The following MSRA variants were observed in gnomAD, a reference collection of about 807,000 sequenced individuals.
MSRA encodes methionine sulfoxide reductase A.
Under a neutral mutation model 31.3 loss-of-function variants are expected in MSRA, and 54 were observed. That is an observed-to-expected ratio of 1.73 (90% CI 1.39 to 2.17). MSRA has a LOEUF of 2.17. MSRA is among the 30% of genes most tolerant of loss of function. The pLI, the probability that MSRA is intolerant of heterozygous loss-of-function variation, is 0.00. For synonymous variants in MSRA, 169 were observed against 116.5 expected, an observed-to-expected ratio of 1.45 and a Z score of -2.90; for missense variants, 507 against 300.9, an observed-to-expected ratio of 1.69 and a Z score of -5.07.
intron 5 of MSRA, 42 bp from the exon 6 acceptor site, chr8:10,428,106 C>G (rs1186914467): frequency 8.2e-6 from 13 of 1,591,518 alleles, no homozygotes; most frequent in Non-Finnish European, 1.1e-5. Flanking sequence ...GGTGCTGTCT[C>G]TCTAGCATGG....
intron 4 of MSRA, among the ~76,000 whole-genome samples, chr8:10,315,472 G>C (rs998490518): frequency 2.4e-4 from 37 of 152,176 alleles, no homozygotes; most frequent in African/African-American, 7.5e-4. Flanking sequence ...ATTATAAATA[G>C]AGTAATAGTA....
intron 3 of MSRA, among the ~76,000 whole-genome samples, chr8:10,263,430 G>A (rs560054504): frequency 6.6e-6 from 1 of 152,194 alleles, no homozygotes; most frequent in Non-Finnish European, 1.5e-5. Flanking sequence ...CATCATTCCA[G>A]GAAGGTATGT....
At chr8:10,418,805 T>A (rs1441258319) in intron 5 of MSRA, among the ~76,000 whole-genome samples, 4 of 105,360 alleles carry the variant, frequency 3.8e-5, no homozygotes, top group Non-Finnish European at 7.0e-5. Context: ...TATGTGTATT[T>A]TACTACGACT....
intron 4 of MSRA, among the ~76,000 whole-genome samples, chr8:10,302,513 G>C (rs1410209346): frequency 6.6e-6 from 1 of 152,188 alleles, no homozygotes; most frequent in East Asian, 1.9e-4. Flanking sequence ...GATGAGTGAA[G>C]TTTTTCTCCA....
At chr8:10,207,119 T>C (rs949244996) in intron 1 of MSRA, among the ~76,000 whole-genome samples, 1 of 152,256 alleles carries the variant, frequency 6.6e-6, no homozygotes, top group African/African-American at 2.4e-5. Flanking sequence ...TATTGTCTAT[T>C]GATCACAGTT....
At chr8:10,283,880 A>G (rs2129109412) in intron 3 of MSRA, among the ~76,000 whole-genome samples, 1 of 120,944 alleles carries the variant, frequency 8.3e-6, no homozygotes, top group East Asian at 2.5e-4. Context: ...TATATATTAC[A>G]GTTTCTTTAT....
chr8:10,142,492 C>A (rs997294446), intron 1 of MSRA, among the ~76,000 whole-genome samples: 1 of 152,214 alleles, frequency 6.6e-6, no homozygotes, highest in African/African-American at 2.4e-5. Context: ...ATGGATCAAT[C>A]TCTAGGGAAA....
At chr8:10,264,615 G>A (rs990223213) in intron 3 of MSRA, among the ~76,000 whole-genome samples, 6 of 152,230 alleles carry the variant, frequency 3.9e-5, no homozygotes, top group African/African-American at 1.2e-4. Context: ...TTGGAGAGCA[G>A]GAGTGAGCAG....
chr8:10,370,797 C>A (rs1048570607), intron 5 of MSRA, among the ~76,000 whole-genome samples: 1 of 152,218 alleles, frequency 6.6e-6, no homozygotes, highest in African/African-American at 2.4e-5. Context: ...TCCTGTGGGT[C>A]GGCTCCTGGC....
At chr8:10,351,266 T>C (rs948600792) in intron 5 of MSRA, among the ~76,000 whole-genome samples, 2 of 144,644 alleles carry the variant, frequency 1.4e-5, no homozygotes, top group African/African-American at 5.1e-5. Context: ...TTTTTTTTTT[T>C]TTTTTTTAGA....
intron 1 of MSRA, among the ~76,000 whole-genome samples, chr8:10,103,343 T>C (rs1799658972): frequency 6.6e-6 from 1 of 152,204 alleles, no homozygotes; most frequent in Non-Finnish European, 1.5e-5. Flanking sequence ...ATCTTAAAGA[T>C]GATGCATGTA....
intron 1 of MSRA, among the ~76,000 whole-genome samples, chr8:10,155,136 A>G (rs1435426027): frequency 6.6e-6 from 1 of 152,078 alleles, no homozygotes; most frequent in Non-Finnish European, 1.5e-5. Flanking sequence ...CTCACACCAC[A>G]TATAGTCTAA....
At chr8:10,301,416 A>G in intron 3 of MSRA, 118 bp from the exon 4 acceptor site, 8 of 711,566 alleles carry the variant, frequency 1.1e-5, no homozygotes, top group South Asian at 8.9e-5. Context: ...TCCTCCTTCC[A>G]TTCTTCCTTC....
At chr8:10,425,621 G>A (rs558073894) in intron 5 of MSRA, among the ~76,000 whole-genome samples, 1 of 152,258 alleles carries the variant, frequency 6.6e-6, no homozygotes, top group African/African-American at 2.4e-5. Flanking sequence ...GGTCTGCACA[G>A]GTGTGGCCAT....
At chr8:10,368,438 C>T (rs1331834353) in intron 5 of MSRA, among the ~76,000 whole-genome samples, 1 of 152,194 alleles carries the variant, frequency 6.6e-6, no homozygotes, top group East Asian at 1.9e-4. Context: ...GAAAGTGTGA[C>T]TCCTTCCAGG....
intron 5 of MSRA, among the ~76,000 whole-genome samples, chr8:10,321,951 A>G (rs1267384144): frequency 1.3e-5 from 2 of 152,242 alleles, no homozygotes; most frequent in African/African-American, 4.8e-5. Flanking sequence ...TGAAGCTGCT[A>G]AGTTTTAGAG....
Position 10,249,232 on chromosome 8 carries a change from T to A in MSRA, c.331+4009T>A, listed in dbSNP as rs150506257. Among the ~76,000 whole-genome samples, 1,452 of 152,300 alleles carry A rather than the reference T, an allele frequency of 9.5e-3. 22 individuals carry two copies. Among genetic ancestry groups the A allele is most frequent in the African/African-American group, 0.033 (1,377 of 41,566 alleles). ...GAAAGAAAATGCAATGAAATCAGGT[T>A]AGTCAGGCAGACAGTTCTAATTCTT... On this transcript the variant is annotated intron_variant, in intron 3 of 5. Coordinates refer to ENST00000317173, the MANE Select transcript of MSRA (RefSeq NM_012331.5).
chr8:10,195,903 C>G (rs1807928534), intron 1 of MSRA, among the ~76,000 whole-genome samples: 1 of 152,200 alleles, frequency 6.6e-6, no homozygotes, highest in Admixed American at 6.5e-5. Flanking sequence ...CCTGACCTTA[C>G]CCTGCAGCAG....
At chr8:10,067,254 A>G (rs861495) in intron 1 of MSRA, among the ~76,000 whole-genome samples, 152,287 of 152,318 alleles carry the variant, frequency 1, 76,128 homozygotes, top group Middle Eastern at 1. Context: ...CCAGAATGTC[A>G]TATATTTGGA....
Sources: allele counts gnomAD v4.1 joint callset (sites outside exome capture counted in the v4.1 genomes callset), GRCh38; gene constraint gnomAD v4.1.1; transcripts MANE v1.5; gene names NCBI Gene and HGNC (gene_info 2026-07-23, HGNC 2026-07-21).